The following KREMEN1 variants were observed in gnomAD, a reference collection of about 807,000 sequenced individuals.
The protein encoded by KREMEN1 is kremen protein 1.
KREMEN1 carries 30 observed loss-of-function variants against 46.5 expected under a neutral mutation model. The ratio of observed to expected loss-of-function variants is 0.65; its 90% CI spans 0.48 to 0.88. The LOEUF is 0.88. Among genes scored for constraint, KREMEN1 ranks in the 40% least tolerant of loss-of-function variants. The pLI, the probability that KREMEN1 is intolerant of heterozygous loss-of-function variation, is 0.00. For synonymous variants in KREMEN1, 214 were observed against 230.6 expected, an observed-to-expected ratio of 0.93 and a Z score of 0.65; for missense variants, 533 against 596.9, an observed-to-expected ratio of 0.89 and a Z score of 1.11.
chr22:29,087,951 A>G (rs1004746021), intron 1 of KREMEN1, among the ~76,000 whole-genome samples: 1 of 152,208 alleles, frequency 6.6e-6, no homozygotes, highest in African/African-American at 2.4e-5. Flanking sequence ...AACCTGGCAG[A>G]ATTTTTCCTG....
chr22:29,125,449 G>A, intron 5 of KREMEN1, 33 bp downstream of exon 5: 1 of 1,609,334 alleles, frequency 6.2e-7, no homozygotes, highest in Non-Finnish European at 8.5e-7. Flanking sequence ...ACTGCCCAAG[G>A]CACAGGAACC....
At chr22:29,146,919 C>A, downstream of KREMEN1, 1 of 407,180 alleles carries the variant, frequency 2.5e-6, no homozygotes, top group Non-Finnish European at 3.3e-6. Context: ...CCTTGGGTGC[C>A]AGTCCTCGCC....
chr22:29,076,910 T>G (rs1157962479), intron 1 of KREMEN1, among the ~76,000 whole-genome samples: 1 of 152,200 alleles, frequency 6.6e-6, no homozygotes, highest in Non-Finnish European at 1.5e-5. Context: ...TTTATAAATC[T>G]TAAAGCAAGA....
chr22:29,132,253 G>C (rs908856145), intron 5 of KREMEN1, among the ~76,000 whole-genome samples: 4 of 151,982 alleles, frequency 2.6e-5, no homozygotes, highest in Admixed American at 6.6e-5. Context: ...GCGTTCCTTT[G>C]TACAGATGTA....
At chr22:29,096,097 A>T (rs987020711) in intron 2 of KREMEN1, among the ~76,000 whole-genome samples, 1 of 152,126 alleles carries the variant, frequency 6.6e-6, no homozygotes, top group African/African-American at 2.4e-5. Context: ...CAAGTTATAC[A>T]TGTTAATTTA....
intron 3 of KREMEN1, among the ~76,000 whole-genome samples, chr22:29,114,651 C>T (rs1174192066): frequency 6.6e-6 from 1 of 152,160 alleles, no homozygotes. Context: ...GCCTCCAGAA[C>T]CATGTCCATT....
chr22:29,135,447 T>C (rs894181005), intron 5 of KREMEN1, among the ~76,000 whole-genome samples: 12 of 152,186 alleles, frequency 7.9e-5, no homozygotes, highest in Admixed American at 6.5e-5. Flanking sequence ...TGCCGAAGGC[T>C]TTTACTTTCT....
chr22:29,121,614 C>CGGG (rs2038358451), intron 4 of KREMEN1, 133 bp downstream of exon 4: 1 of 1,033,614 alleles, frequency 9.7e-7, no homozygotes, highest in Non-Finnish European at 1.4e-6. Context: ...ATTCCACTTA[C>CGGG]ATGAATTGTC....
chr22:29,167,426 T>G, exon 10 of KREMEN1: 1 of 310,202 alleles, frequency 3.2e-6, no homozygotes. Context: ...GTGACTCACT[T>G]GAGGCAGGAC....
intron 3 of KREMEN1, chr22:29,099,263 G>A: frequency 3.8e-6 from 1 of 259,850 alleles, no homozygotes; most frequent in Non-Finnish European, 7.4e-6. Flanking sequence ...GCAGCCTAGG[G>A]GAGAAAAATA....
intron 2 of KREMEN1, among the ~76,000 whole-genome samples, chr22:29,097,942 G>T (rs185193817): frequency 5.9e-5 from 9 of 152,244 alleles, no homozygotes; most frequent in African/African-American, 9.6e-5. Context: ...AGCACTTTGC[G>T]GGGCCGAGAT....
Position 29,142,215 on chromosome 22 carries a change from C to T in KREMEN1, c.*103C>T. Reference sequence around the variant, plus strand: ...TCTGACAGACTCTTCCCCTCCTCTCCCTCTGCCTCGGCCTCTTCGGGGAAA... The same window carrying T: ...TCTGACAGACTCTTCCCCTCCTCTCTCTCTGCCTCGGCCTCTTCGGGGAAA... On this transcript the variant is annotated 3_prime_UTR_variant, in exon 9 of 9. Transcript: ENST00000400335. 7.0e-7 allele frequency: 1 copy of T among 1,421,252 alleles called. No individual in the cohort carries two copies. The highest frequency in any genetic ancestry group is 9.2e-7 in the Non-Finnish European group (1 of 1,089,434). 88.0% of individuals were successfully genotyped at this position (1,421,252 alleles called of 1,614,324 possible).
chr22:29,090,479 A>G (rs2037788749), intron 1 of KREMEN1, among the ~76,000 whole-genome samples: 1 of 152,192 alleles, frequency 6.6e-6, no homozygotes, highest in African/African-American at 2.4e-5. Flanking sequence ...ACATGAGTTT[A>G]CCTGTGTAAC....
At chr22:29,094,095 A>G (rs915236936) in intron 1 of KREMEN1, among the ~76,000 whole-genome samples, 163 bp from the exon 2 acceptor site, 1 of 152,224 alleles carries the variant, frequency 6.6e-6, no homozygotes, top group African/African-American at 2.4e-5. Flanking sequence ...ACCTTGTTTC[A>G]GATTTATTCA....
At chr22:29,153,811 T>C (rs2038937701) in intron 9 of KREMEN1, among the ~76,000 whole-genome samples, 1 of 151,840 alleles carries the variant, frequency 6.6e-6, no homozygotes, top group African/African-American at 2.4e-5. Context: ...TGAAACCCCG[T>C]CTCTACTAAA....
At chr22:29,149,002 A>G (rs1382671720), downstream of KREMEN1, among the ~76,000 whole-genome samples, 3 of 151,800 alleles carry the variant, frequency 2.0e-5, no homozygotes, top group Non-Finnish European at 2.9e-5. Context: ...GTTAAACTTC[A>G]GGTTCCCGGG....
rs562917514 is a variant in KREMEN1 at position 29,154,217 on chromosome 22, G to C, written c.1416+12117G>C. ...TCCAAGTTTACAATGCACAAAGTAG[G>C]GGCAGTTCCCTCCTTAGAGAATAAT... On this transcript the variant is annotated intron_variant, in intron 9 of 9. Coordinates refer to the KREMEN1 transcript ENST00000327813. 7.2e-5 allele frequency: 11 copies of C among 152,144 alleles called. No homozygotes were observed. In the East Asian group the frequency reaches 2.1e-3, roughly 29 times the overall value. 9.4% of individuals were successfully genotyped at this position (152,144 alleles called of 1,614,324 possible).
intron 3 of KREMEN1, among the ~76,000 whole-genome samples, chr22:29,103,659 G>A (rs1302493576): frequency 6.6e-6 from 1 of 152,142 alleles, no homozygotes; most frequent in Non-Finnish European, 1.5e-5. Context: ...AGGCCTGTTG[G>A]TTTGACTATT....
At position 29,145,683 on chromosome 22, in the gene KREMEN1, G is replaced by A. The variant is rs73393085; in HGVS notation, c.*3571G>A. On this transcript the variant is annotated 3_prime_UTR_variant, in exon 9 of 9. Coordinates refer to ENST00000400335, the MANE Select transcript of KREMEN1 (RefSeq NM_001039570.3). ...CTTGCAAAGCAGAGAATGAGTAGGA[G>A]TGAACCCGAGTGACTTCACCCGCCC... The A allele has an allele frequency of 0.018, 17,351 of 985,436 alleles. 2,301 individuals carry two copies. In the African/African-American group the frequency reaches 0.28, roughly 16 times the overall value. The allele number at this position is 985,436 out of a possible 1,614,324, so 61.0% of individuals were successfully genotyped here.
Sources: gnomAD v4.1 joint callset for allele counts (sites outside exome capture counted in the v4.1 genomes callset) on GRCh38, gnomAD v4.1.1 for gene constraint, MANE v1.5 for transcripts, NCBI Gene and HGNC (gene_info 2026-07-23, HGNC 2026-07-21) for gene names.